The following LSAMP variants were observed in gnomAD, a reference collection of about 807,000 sequenced individuals.
The protein encoded by LSAMP is limbic system associated membrane protein.
LSAMP carries 7 observed loss-of-function variants against 38.6 expected under a neutral mutation model. That is an observed-to-expected ratio of 0.18 (90% CI 0.10 to 0.34). LSAMP has a LOEUF of 0.34. Among genes scored for constraint, LSAMP ranks in the 10% least tolerant of loss-of-function variants. The probability of loss-of-function intolerance (pLI) is 1.00; values close to 1 mark genes in which losing one functional copy is unlikely to be tolerated. For missense variants in LSAMP, 313 were observed against 420.0 expected, an observed-to-expected ratio of 0.75 and a Z score of 2.23; for synonymous variants, 154 against 166.8, an observed-to-expected ratio of 0.92 and a Z score of 0.59.
At chr3:115,928,315 T>G (rs1937523401) in intron 3 of LSAMP, among the ~76,000 whole-genome samples, 1 of 152,200 alleles carries the variant, frequency 6.6e-6, no homozygotes, top group South Asian at 2.1e-4. Flanking sequence ...AGGCTCTTAT[T>G]TAAAACCACT....
intron 1 of LSAMP, among the ~76,000 whole-genome samples, chr3:116,109,222 T>G (rs888960464): frequency 1.3e-5 from 2 of 151,776 alleles, no homozygotes; most frequent in African/African-American, 4.8e-5. Flanking sequence ...TTTTTAAGAG[T>G]AAATTGCTGG....
rs944882968 is a variant in LSAMP at position 116,437,025 on chromosome 3, G to GTA, written c.155+7850_155+7851dup. Among the ~76,000 whole-genome samples, 145 of 141,594 alleles carry GTA rather than the reference G, an allele frequency of 1.0e-3. 1 individual carries two copies. Among genetic ancestry groups the GTA allele is most frequent in the South Asian group, 3.6e-3 (16 of 4,454 alleles). 92.9% of individuals were successfully genotyped at this position (141,594 alleles called of 152,430 possible). A position where few individuals can be genotyped will look rare whatever the true frequency, so the allele number is the denominator to read the frequency against. ...TATATATGTGTATATATATGTGTGT[G>GTA]TATATATATATATGTGTATATATAT... On this transcript the variant is annotated intron_variant, in intron 1 of 6. Transcript: ENST00000490035.
chr3:116,265,950 T>A (rs1401875470), intron 1 of LSAMP, among the ~76,000 whole-genome samples: 1 of 101,946 alleles, frequency 9.8e-6, no homozygotes, highest in Non-Finnish European at 2.7e-5. Context: ...GTTTAAAAAG[T>A]TGTGGGGTTT....
intron 1 of LSAMP, among the ~76,000 whole-genome samples, chr3:116,293,552 A>G (rs1274832020): frequency 6.6e-6 from 1 of 152,202 alleles, no homozygotes; most frequent in Non-Finnish European, 1.5e-5. Flanking sequence ...CAGTTCATAC[A>G]GAGGTGACTA....
chr3:116,352,498 T>C (rs112200776), intron 1 of LSAMP, among the ~76,000 whole-genome samples: 192 of 152,154 alleles, frequency 1.3e-3, no homozygotes, highest in African/African-American at 4.3e-3. Context: ...TACTTTATAC[T>C]GTCAGCTAGG....
intron 1 of LSAMP, among the ~76,000 whole-genome samples, chr3:116,412,430 C>A (rs1186948390): frequency 6.6e-6 from 1 of 152,088 alleles, no homozygotes; most frequent in East Asian, 1.9e-4. Flanking sequence ...ATTCTTTCTA[C>A]ATCTCTGATC....
chr3:116,061,600 G>A (rs2141629), intron 2 of LSAMP, among the ~76,000 whole-genome samples: 70,299 of 152,010 alleles, frequency 0.46, 17,485 homozygotes, highest in African/African-American at 0.65. Flanking sequence ...CTGCCCCTAA[G>A]TTCCAACACC....
At chr3:116,197,163 A>ACACACTCTCTCTCTCTCTCTCTCTCT (rs1268040540) in intron 1 of LSAMP, among the ~76,000 whole-genome samples, 2 of 139,090 alleles carry the variant, frequency 1.4e-5, no homozygotes, top group African/African-American at 5.2e-5. Flanking sequence ...ACACACACAC[A>ACACACTCTCTCTCTCTCTCTCTCTCT]CTCTCTCTCT....
intron 1 of LSAMP, among the ~76,000 whole-genome samples, chr3:116,117,807 G>T (rs752866853): frequency 1.3e-5 from 2 of 152,058 alleles, no homozygotes; most frequent in African/African-American, 2.4e-5. Flanking sequence ...TATTAAGAAG[G>T]GTATATACTC....
intron 1 of LSAMP, among the ~76,000 whole-genome samples, chr3:116,252,676 T>C (rs1239904439): frequency 1.3e-5 from 2 of 152,230 alleles, no homozygotes; most frequent in Non-Finnish European, 2.9e-5. Context: ...AGTAAATATT[T>C]CAGCATTATG....
chr3:116,005,318 C>T (rs1375325604), intron 3 of LSAMP, among the ~76,000 whole-genome samples: 1 of 152,082 alleles, frequency 6.6e-6, no homozygotes, highest in Non-Finnish European at 1.5e-5. Context: ...TCACCTATCT[C>T]CATATGAGGA....
intron 3 of LSAMP, among the ~76,000 whole-genome samples, chr3:116,006,364 T>A (rs1940161338): frequency 6.6e-6 from 1 of 152,122 alleles, no homozygotes; most frequent in Non-Finnish European, 1.5e-5. Flanking sequence ...GGCACCTCGA[T>A]CACGGACTTC....
chr3:116,299,739 AATG>A (rs1241709662), intron 1 of LSAMP, among the ~76,000 whole-genome samples: 1 of 152,178 alleles, frequency 6.6e-6, no homozygotes, highest in Non-Finnish European at 1.5e-5. Context: ...AAGCATGCAG[AATG>A]ATGAGAAACC....
intron 3 of LSAMP, among the ~76,000 whole-genome samples, chr3:115,858,631 A>C (rs1935582339): frequency 6.6e-6 from 1 of 152,188 alleles, no homozygotes; most frequent in African/African-American, 2.4e-5. Context: ...ATTTACATGC[A>C]AGTGGCTGTA....
rs944541647 is a variant in LSAMP at position 116,273,254 on chromosome 3, T to C, written c.155+171623A>G. On this transcript the variant is annotated intron_variant, in intron 1 of 6. Transcript: ENST00000490035. ...GGATAAGAACCCCCACGGTTTCCCA[T>C]TCTCATCCTGGCTTCCAAGTTGATT... Among the ~76,000 whole-genome samples, 12 of 152,164 alleles carry C rather than the reference T, an allele frequency of 7.9e-5. No homozygotes were observed. In the East Asian group the frequency reaches 2.3e-3, roughly 30 times the overall value.
At chr3:116,246,341 A>G (rs1257896121) in intron 1 of LSAMP, among the ~76,000 whole-genome samples, 1 of 152,210 alleles carries the variant, frequency 6.6e-6, no homozygotes, top group Admixed American at 6.5e-5. Context: ...GCATAAATAT[A>G]TATTAAAAAT....
At chr3:116,042,813 A>G (rs957327748) in intron 2 of LSAMP, among the ~76,000 whole-genome samples, 9 of 152,190 alleles carry the variant, frequency 5.9e-5, no homozygotes, top group African/African-American at 9.7e-5. Context: ...TGCCAGACAC[A>G]CATACTTGGT....
intron 1 of LSAMP, among the ~76,000 whole-genome samples, chr3:116,342,625 C>T (rs1023122396): frequency 6.6e-6 from 1 of 152,052 alleles, no homozygotes; most frequent in Non-Finnish European, 1.5e-5. Flanking sequence ...TTTGAAATGC[C>T]TTCTAGACTA....
intron 2 of LSAMP, among the ~76,000 whole-genome samples, chr3:116,080,789 T>G (rs369977819): frequency 2.6e-5 from 4 of 151,048 alleles, no homozygotes; most frequent in East Asian, 2.0e-4. Flanking sequence ...AGTTAATCAC[T>G]AAGATTCTCA....
Sources: gnomAD v4.1 joint callset for allele counts (sites outside exome capture counted in the v4.1 genomes callset) on GRCh38, gnomAD v4.1.1 for gene constraint, MANE v1.5 for transcripts, NCBI Gene and HGNC (gene_info 2026-07-23, HGNC 2026-07-21) for gene names.